The following PNLIPRP3 variants were observed in gnomAD, a reference collection of about 807,000 sequenced individuals.
PNLIPRP3 encodes the protein pancreatic lipase related protein 3, also known as pancreatic lipase-related protein 3.
A neutral mutation model predicts 52.8 loss-of-function variants in PNLIPRP3; 58 were observed. The ratio of observed to expected loss-of-function variants is 1.10; its 90% CI spans 0.89 to 1.37. The LOEUF (loss-of-function observed/expected upper bound fraction) is 1.37. Among genes scored for constraint, PNLIPRP3 ranks in the 40% most tolerant of loss-of-function variants. The probability of loss-of-function intolerance (pLI) is 0.00; values close to 1 mark genes in which losing one functional copy is unlikely to be tolerated. For missense variants in PNLIPRP3, 593 were observed against 561.6 expected, an observed-to-expected ratio of 1.06 and a Z score of -0.57; for synonymous variants, 192 against 185.0, an observed-to-expected ratio of 1.04 and a Z score of -0.31.
chr10:116,461,690 T>C (rs1846194453), intron 7 of PNLIPRP3, among the ~76,000 whole-genome samples: 1 of 152,074 alleles, frequency 6.6e-6, no homozygotes, highest in Non-Finnish European at 1.5e-5. Flanking sequence ...CAATAAATAG[T>C]GTAAGAGCTA....
intron 10 of PNLIPRP3, among the ~76,000 whole-genome samples, chr10:116,473,194 A>C (rs1053637399): frequency 6.6e-6 from 1 of 152,266 alleles, no homozygotes; most frequent in Non-Finnish European, 1.5e-5. Context: ...ATAAGTAAGC[A>C]TTGAAGGTTC....
At chr10:116,449,250 C>A (rs1348986427) in intron 4 of PNLIPRP3, among the ~76,000 whole-genome samples, 1 of 152,016 alleles carries the variant, frequency 6.6e-6, no homozygotes, top group Non-Finnish European at 1.5e-5. Flanking sequence ...ATCAATAATA[C>A]TTTAAATGTA....
At chr10:116,463,387 G>C (rs1394653580) in intron 7 of PNLIPRP3, among the ~76,000 whole-genome samples, 2 of 152,112 alleles carry the variant, frequency 1.3e-5, no homozygotes, top group African/African-American at 4.8e-5. Flanking sequence ...AGGAACCCTG[G>C]GACTTGTTCT....
intron 1 of PNLIPRP3, among the ~76,000 whole-genome samples, chr10:116,432,054 C>T (rs185272263): frequency 6.0e-4 from 91 of 152,232 alleles, no homozygotes; most frequent in Middle Eastern, 6.8e-3. Context: ...TTTAATGTAG[C>T]CATTTTTGAA....
chr10:116,437,155 T>G (rs1274924967), intron 2 of PNLIPRP3, among the ~76,000 whole-genome samples: 3 of 116,612 alleles, frequency 2.6e-5, no homozygotes, highest in Non-Finnish European at 5.3e-5. Flanking sequence ...TCTGTAAGAC[T>G]GAATAAGCAA....
chr10:116,427,931 C>A lies in PNLIPRP3; in HGVS notation c.-82C>A. The stretch of plus-strand genomic sequence containing the variant: ...TTGAGTTGCATCATTGTGAGGAAAA[C>A]CACTTAGTATTTTATAGTGAGGTGA... On this transcript the variant is annotated 5_prime_UTR_variant, in exon 1 of 12. Transcript: ENST00000369230. 9.5e-7 allele frequency: 1 copy of A among 1,049,798 alleles called. No homozygotes were observed. The highest frequency in any genetic ancestry group is 1.6e-5 in the African/African-American group (1 of 63,128). The allele number at this position is 1,049,798 out of a possible 1,614,324, so 65.0% of individuals were successfully genotyped here.
chr10:116,461,205 T>C lies in PNLIPRP3; in HGVS notation c.723T>C (p.Phe241=). ...TTGATGCTTGTGGTCATCTTGACTTTTACCCAAATGGAGGGAAGCACATGC... is the reference window on the plus strand; with the variant it reads ...TTGATGCTTGTGGTCATCTTGACTTCTACCCAAATGGAGGGAAGCACATGC... ...GTIDACGHLD[F]YPNGGKHMPG... is the part of the protein sequence containing the mutation. The change falls in exon 7 of 12, where the codon TTT becomes TTC. Residue 241 remains phenylalanine, a synonymous_variant. Transcript: ENST00000369230. The C allele has an allele frequency of 2.5e-6, 4 of 1,614,186 alleles. No individual in the cohort carries two copies. Among genetic ancestry groups the C allele is most frequent in the Non-Finnish European group, 3.4e-6 (4 of 1,180,004 alleles).
In PNLIPRP3 at chr10:116,477,168, T is replaced by C. The variant is rs377116697; in HGVS notation, c.*15T>C. 10 of 1,567,474 alleles carry C rather than the reference T, an allele frequency of 6.4e-6. No individual in the cohort carries two copies. The highest frequency in any genetic ancestry group is 3.4e-5 in the South Asian group (3 of 88,598). On this transcript the variant is annotated 3_prime_UTR_variant, in exon 12 of 12. Transcript: ENST00000369230. Reference sequence around the variant, plus strand: ...AACCATGCTAATCTCAGATACAGTCTTGATGGATTTCTTTAGTAGGAGCAA... The same window carrying C: ...AACCATGCTAATCTCAGATACAGTCCTGATGGATTTCTTTAGTAGGAGCAA...
chr10:116,436,901 C>A (rs1392426432), intron 2 of PNLIPRP3, 36 bp downstream of exon 2: 1 of 1,528,726 alleles, frequency 6.5e-7, no homozygotes, highest in Non-Finnish European at 8.9e-7. Flanking sequence ...ATGGATTATT[C>A]TAAAATATAA....
chr10:116,454,778 A>G (rs916681385), intron 4 of PNLIPRP3, among the ~76,000 whole-genome samples: 1 of 152,222 alleles, frequency 6.6e-6, no homozygotes, highest in Non-Finnish European at 1.5e-5. Context: ...TTCTTTATCC[A>G]TTAATTCATT....
At position 116,456,766 on chromosome 10, in the gene PNLIPRP3, C is replaced by T. The variant is rs562022420; in HGVS notation, c.565+936C>T. Among the ~76,000 whole-genome samples, 14 of 152,308 alleles carry T rather than the reference C, an allele frequency of 9.2e-5. No homozygotes were observed. The South Asian group carries it at 2.9e-3, about 32-fold the overall frequency. On this transcript the variant is annotated intron_variant, in intron 5 of 11. Coordinates refer to ENST00000369230, the MANE Select transcript of PNLIPRP3 (RefSeq NM_001011709.3). ...TTACCAACAGGCGGGGCTGGCCTCT[C>T]CCTCTGCATCCCCCCACCAACAGCC...
intron 1 of PNLIPRP3, among the ~76,000 whole-genome samples, chr10:116,436,356 A>C (rs1176236703): frequency 6.6e-6 from 1 of 152,238 alleles, no homozygotes; most frequent in Non-Finnish European, 1.5e-5. Flanking sequence ...ACTTGGAATA[A>C]AGACTTAAAT....
chr10:116,453,441 T>A (rs959864643), intron 4 of PNLIPRP3, among the ~76,000 whole-genome samples: 8 of 152,256 alleles, frequency 5.3e-5, no homozygotes, highest in African/African-American at 1.9e-4. Flanking sequence ...TATTTTGCAA[T>A]GTGAAACGGA....
At chr10:116,428,868 G>A (rs1419321071) in intron 1 of PNLIPRP3, among the ~76,000 whole-genome samples, 2 of 152,076 alleles carry the variant, frequency 1.3e-5, no homozygotes, top group African/African-American at 2.4e-5. Flanking sequence ...GAAGACAGTC[G>A]TCACATCTAA....
chr10:116,465,998 G>A, intron 7 of PNLIPRP3, 52 bp from the exon 8 acceptor site: 2 of 1,292,176 alleles, frequency 1.5e-6, no homozygotes, highest in Non-Finnish European at 2.3e-6. Context: ...TATGGTTTAT[G>A]CTACCAGTTA....
intron 10 of PNLIPRP3, among the ~76,000 whole-genome samples, chr10:116,475,138 A>G (rs535128531): frequency 2.6e-5 from 4 of 152,238 alleles, no homozygotes; most frequent in Non-Finnish European, 2.9e-5. Context: ...TTGCAGGAAC[A>G]TGGATGGAGC....
intron 4 of PNLIPRP3, among the ~76,000 whole-genome samples, chr10:116,449,667 T>C (rs1359998061): frequency 6.6e-6 from 1 of 152,204 alleles, no homozygotes; most frequent in Non-Finnish European, 1.5e-5. Flanking sequence ...TGATTTTCAA[T>C]AATGGATAGA....
At chr10:116,438,001 T>C (rs1380560399) in intron 2 of PNLIPRP3, among the ~76,000 whole-genome samples, 1 of 152,116 alleles carries the variant, frequency 6.6e-6, no homozygotes, top group African/African-American at 2.4e-5. Context: ...GTTATGATAA[T>C]AGAAAATCAA....
chr10:116,449,469 C>T (rs1031006228), intron 4 of PNLIPRP3, among the ~76,000 whole-genome samples: 1 of 151,992 alleles, frequency 6.6e-6, no homozygotes, highest in African/African-American at 2.4e-5. Flanking sequence ...ATAGACTTTA[C>T]GTCAGAAAGT....
Sources: allele counts gnomAD v4.1 joint callset (sites outside exome capture counted in the v4.1 genomes callset), GRCh38; gene constraint gnomAD v4.1.1; transcripts MANE v1.5; gene names NCBI Gene and HGNC (gene_info 2026-07-23, HGNC 2026-07-21).